Variants in NCEH1 observed in about 807,000 individuals in gnomAD.
NCEH1 encodes the protein 2-acetyl MAGE hydrolase.
Under a neutral mutation model 25.4 loss-of-function variants are expected in NCEH1, and 9 were observed. That is an observed-to-expected ratio of 0.35 (90% CI 0.21 to 0.62). The LOEUF (loss-of-function observed/expected upper bound fraction) is 0.62. Among genes scored for constraint, NCEH1 ranks in the 20% least tolerant of loss-of-function variants. NCEH1 has a pLI of 0.72. For synonymous variants in NCEH1, 200 were observed against 199.8 expected (o/e 1.00, Z -0.01); for missense variants, 412 against 501.1 (o/e 0.82, Z 1.70).
intron 1 of NCEH1, among the ~76,000 whole-genome samples, chr3:172,670,020 T>C (rs1254302491): frequency 1.3e-5 from 2 of 152,252 alleles, no homozygotes; most frequent in African/African-American, 4.8e-5. Flanking sequence ...TAAATTACTA[T>C]TCATATTATA....
chr3:172,710,928 G>A lies in NCEH1; in HGVS notation c.57C>T (p.Val19=). 6.2e-7 allele frequency: 1 copy of A among 1,614,174 alleles called. No individual in the cohort carries two copies. The change falls in exon 1 of 5, where the codon GTC becomes GTT. Residue 19 remains valine (V), a synonymous_variant. Transcript: ENST00000475381. ...ACACGGAGCCAGGCAGCGGGATGTA[G>A]ACGTAATAGGCGGCCAGCGCCACCA... ...TALVALAAYY[V]YIPLPGSVSD... is the part of the protein sequence containing the mutation.
At chr3:172,636,431 A>G (rs1716599801) in intron 3 of NCEH1, among the ~76,000 whole-genome samples, 1 of 152,172 alleles carries the variant, frequency 6.6e-6, no homozygotes. Flanking sequence ...ACCGTAATAG[A>G]TTTTAGAATT....
chr3:172,650,222 G>T (rs1469874370), intron 1 of NCEH1, among the ~76,000 whole-genome samples: 2 of 152,176 alleles, frequency 1.3e-5, no homozygotes, highest in Admixed American at 6.5e-5. Flanking sequence ...GGACAATTTG[G>T]CTGAGTGCAG....
chr3:172,640,267 C>G (rs1716790067), intron 3 of NCEH1, among the ~76,000 whole-genome samples: 2 of 152,172 alleles, frequency 1.3e-5, no homozygotes, highest in Admixed American at 1.3e-4. Flanking sequence ...AAGAAAATCT[C>G]AATAGATTCA....
At chr3:172,638,793 C>T (rs1254394342) in intron 3 of NCEH1, among the ~76,000 whole-genome samples, 1 of 152,106 alleles carries the variant, frequency 6.6e-6, no homozygotes, top group South Asian at 2.1e-4. Context: ...AGACTTTGAT[C>T]AAAGGCAATT....
intron 1 of NCEH1, among the ~76,000 whole-genome samples, chr3:172,691,244 C>A (rs1321296319): frequency 6.6e-6 from 1 of 152,098 alleles, no homozygotes; most frequent in African/African-American, 2.4e-5. Context: ...GTCAGACATC[C>A]CTTCCTCTAT....
chr3:172,635,470 C>T (rs949952986), intron 4 of NCEH1, among the ~76,000 whole-genome samples: 2 of 151,960 alleles, frequency 1.3e-5, no homozygotes, highest in Non-Finnish European at 2.9e-5. Context: ...ATGGCTGAAT[C>T]GTTTAATTTC....
chr3:172,661,290 G>A (rs989365857), intron 1 of NCEH1, among the ~76,000 whole-genome samples: 2 of 152,142 alleles, frequency 1.3e-5, no homozygotes, highest in African/African-American at 4.8e-5. Context: ...TTGTAGATGT[G>A]TGGTATTATT....
chr3:172,662,939 G>C (rs566768692), intron 1 of NCEH1, among the ~76,000 whole-genome samples: 3 of 152,134 alleles, frequency 2.0e-5, no homozygotes, highest in African/African-American at 7.2e-5. Flanking sequence ...TTTCTTGAAG[G>C]GTTTTTTGTG....
At chr3:172,683,534 C>A (rs1712525960) in intron 1 of NCEH1, among the ~76,000 whole-genome samples, 1 of 151,894 alleles carries the variant, frequency 6.6e-6, no homozygotes, top group Admixed American at 6.6e-5. Flanking sequence ...AATAAATTAT[C>A]CAGGCATAGT....
chr3:172,636,081 C>G lies in NCEH1; in HGVS notation c.444G>C (p.Arg148Ser). Reference protein sequence around the residue: ...LNAVIVSIEYRLVPKVYFPEQ... With the variant: ...LNAVIVSIEYSLVPKVYFPEQ... ...CAGGAAAATAAACCTTTGGAACTAG[C>G]CTGTATCTGTAAAAACAAAAGTTGT... Residue 148 changes from arginine (R) to serine (S), a missense_variant, in exon 4 of 5, where the codon AGG becomes AGC. Physicochemically the swap from Arg to Ser is moderately radical, Grantham distance 110. Around this residue, in one of 3 missense-constraint regions of NCEH1, gnomAD observed 178 missense variants for 189.2 expected, o/e 0.94. Coordinates refer to ENST00000475381, the MANE Select transcript of NCEH1 (RefSeq NM_020792.6). 2 of 1,611,408 alleles carry G rather than the reference C, an allele frequency of 1.2e-6. No individual in the cohort carries two copies. Among genetic ancestry groups the G allele is most frequent in the Non-Finnish European group, 1.7e-6 (2 of 1,178,292 alleles).
intron 1 of NCEH1, among the ~76,000 whole-genome samples, chr3:172,676,369 T>G (rs1711996862): frequency 6.6e-6 from 1 of 152,168 alleles, no homozygotes. Flanking sequence ...TCACCATGTG[T>G]GCCAAGTGTC....
intron 1 of NCEH1, among the ~76,000 whole-genome samples, chr3:172,660,892 A>G (rs1327484060): frequency 1.3e-5 from 2 of 152,168 alleles, no homozygotes; most frequent in Admixed American, 1.3e-4. Context: ...AGATGGGAAG[A>G]TTGTAAAAAT....
chr3:172,680,908 G>A (rs1396268052), intron 1 of NCEH1: 2 of 151,694 alleles, frequency 1.3e-5, no homozygotes, highest in African/African-American at 4.9e-5. Flanking sequence ...GCCTAGCTTG[G>A]TGAAATGCCA....
chr3:172,640,161 C>T (rs1331794417), intron 3 of NCEH1, among the ~76,000 whole-genome samples: 2 of 152,176 alleles, frequency 1.3e-5, no homozygotes, highest in African/African-American at 4.8e-5. Context: ...AAGATACATG[C>T]GGCATTCTGG....
At chr3:172,710,310 A>G (rs1714226467) in intron 1 of NCEH1, among the ~76,000 whole-genome samples, 1 of 152,196 alleles carries the variant, frequency 6.6e-6, no homozygotes, top group Non-Finnish European at 1.5e-5. Flanking sequence ...TGGTTCCTCA[A>G]GTGCTTGGAT....
intron 2 of NCEH1, 45 bp downstream of exon 2, chr3:172,647,841 A>T: frequency 6.2e-7 from 1 of 1,610,284 alleles, no homozygotes; most frequent in Non-Finnish European, 8.5e-7. Flanking sequence ...ATCTCCCCCA[A>T]GGCCAACCAC....
At chr3:172,671,368 G>A (rs970807273) in intron 1 of NCEH1, among the ~76,000 whole-genome samples, 2 of 152,122 alleles carry the variant, frequency 1.3e-5, no homozygotes, top group Non-Finnish European at 2.9e-5. Flanking sequence ...AATTCACTTT[G>A]AGTTCTTCAC....
At chr3:172,689,244 G>A (rs1338571694) in intron 1 of NCEH1, among the ~76,000 whole-genome samples, 1 of 148,176 alleles carries the variant, frequency 6.7e-6, no homozygotes, top group Non-Finnish European at 1.5e-5. Context: ...GAAATGACTT[G>A]GAGTAACTTT....
Sources: gnomAD v4.1 joint callset for allele counts (sites outside exome capture counted in the v4.1 genomes callset) on GRCh38, gnomAD v4.1.1 for gene constraint, gnomAD v4.1.1 regional missense constraint, MANE v1.5 for transcripts, NCBI Gene and HGNC (gene_info 2026-07-23, HGNC 2026-07-21) for gene names.